TMEM231: variants seen among roughly 807,000 people sequenced by gnomAD.
TMEM231 encodes transmembrane protein 231.
TMEM231 carries 40 observed loss-of-function variants against 38.5 expected under a neutral mutation model. That is an observed-to-expected ratio of 1.04 (90% CI 0.81 to 1.35). The LOEUF is 1.35. TMEM231 is among the 40% of genes most tolerant of loss of function. TMEM231 has a pLI of 0.00. For missense variants in TMEM231, 420 were observed against 416.9 expected, an observed-to-expected ratio of 1.01 and a Z score of -0.07; for synonymous variants, 199 against 181.7, an observed-to-expected ratio of 1.10 and a Z score of -0.77.
intron 6 of TMEM231, 135 bp from the exon 7 acceptor site, chr16:75,540,309 C>T (rs1323196052): frequency 3.4e-6 from 3 of 881,346 alleles, no homozygotes; most frequent in Non-Finnish European, 3.3e-6. Context: ...TGGAAGCTGA[C>T]CTGAACTTGG....
chr16:75,542,659 G>A lies in TMEM231; in HGVS notation c.607C>T (p.Pro203Ser). Residue 203 changes from proline to serine, a missense_variant, in exon 5 of 7, where the codon CCC (proline) becomes TCC (serine). Transcript: ENST00000258173. ...YNISVINGTS[P>S]FAYDYDLTHI... ...GTGAGGTCGTAGTCATAGGCAAAGG[G>A]GCTGGTCCCGTTGATCACGGATATC... 2 of 1,613,896 alleles carry A rather than the reference G, an allele frequency of 1.2e-6. No homozygotes were observed. Among genetic ancestry groups the A allele is most frequent in the South Asian group, 1.1e-5 (1 of 91,072 alleles).
Position 75,556,151 on chromosome 16 carries a change from C to A in TMEM231, c.59G>T (p.Cys20Phe). Residue 20 changes from cysteine to phenylalanine, a missense_variant, in exon 1 of 7, where the codon TGC (cysteine) becomes TTC (phenylalanine). Transcript: ENST00000258173. ...CAGCAGGAACAGCGCGGCTTTGGAGCAGAGCCCCGCGCGGTAACTGCGCTC... is the reference window on the plus strand; with the variant it reads ...CAGCAGGAACAGCGCGGCTTTGGAGAAGAGCCCCGCGCGGTAACTGCGCTC... ...PVERSYRAGL[C>F]SKAALFLLLA... is the part of the protein sequence containing the mutation. The A allele has an allele frequency of 6.4e-7, 1 of 1,564,772 alleles. No homozygotes were observed.
At position 75,541,436 on chromosome 16, in the gene TMEM231, A is replaced by G; in HGVS notation, c.684T>C (p.Asp228=). The change falls in exon 6 of 7, where the codon GAT becomes GAC. Residue 228 remains aspartate, a synonymous_variant. Coordinates refer to ENST00000258173, the MANE Select transcript of TMEM231 (RefSeq NM_001077418.3). Reference sequence around the variant, plus strand: ...TGCCCACCAGCCAGATGGGGTTGGGATCATTCAGGACGGTGGTAACTGCAA... The same window carrying G: ...TGCCCACCAGCCAGATGGGGTTGGGGTCATTCAGGACGGTGGTAACTGCAA... The part of the protein sequence containing the change: ...QERNVTTVLN[D]PNPIWLVGRA... 1 of 1,610,920 alleles carries G rather than the reference A, an allele frequency of 6.2e-7. No homozygotes were observed. Among genetic ancestry groups the G allele is most frequent in the Admixed American group, 1.7e-5 (1 of 59,650 alleles).
At chr16:75,548,534 A>C (rs751119798) in intron 2 of TMEM231, among the ~76,000 whole-genome samples, 2 of 152,208 alleles carry the variant, frequency 1.3e-5, no homozygotes, top group Non-Finnish European at 2.9e-5. Context: ...CCGCTGACAG[A>C]AATGAAGCAG....
intron 2 of TMEM231, chr16:75,555,369 A>C: frequency 6.1e-6 from 1 of 164,254 alleles, no homozygotes; most frequent in Non-Finnish European, 1.3e-5. Context: ...GTCTGCATAA[A>C]AATGCTGCCC....
intron 2 of TMEM231, chr16:75,555,189 A>C (rs2080796886): frequency 6.6e-6 from 1 of 152,218 alleles, no homozygotes; most frequent in African/African-American, 2.4e-5. Context: ...CTGGTGAAAA[A>C]ATTTAAAAAT....
intron 2 of TMEM231, among the ~76,000 whole-genome samples, chr16:75,548,738 G>A (rs1237585152): frequency 2.0e-5 from 3 of 152,034 alleles, no homozygotes; most frequent in African/African-American, 4.8e-5. Context: ...GCATGGTGGC[G>A]TGCACCTGTA....
At chr16:75,551,256 G>C (rs937441151) in intron 2 of TMEM231, among the ~76,000 whole-genome samples, 4 of 152,046 alleles carry the variant, frequency 2.6e-5, no homozygotes, top group African/African-American at 9.7e-5. Context: ...AGAGTGCAGT[G>C]GCACGATCAC....
intron 2 of TMEM231, among the ~76,000 whole-genome samples, chr16:75,549,592 C>T (rs2080732028): frequency 6.6e-6 from 1 of 152,120 alleles, no homozygotes; most frequent in South Asian, 2.1e-4. Context: ...ATTCAGGGCT[C>T]TTCTATAATA....
Position 75,542,493 on chromosome 16 carries a change from C to A in TMEM231, c.664+109G>T. 5.1e-6 allele frequency: 5 copies of A among 982,744 alleles called. No homozygotes were observed. The South Asian group carries it at 6.6e-5, about 13-fold the overall frequency. 60.9% of individuals were successfully genotyped at this position (982,744 alleles called of 1,614,324 possible). Reference sequence around the variant, plus strand: ...ATTTGCTCCCATCGTTGAGCATTCACGGGTTTTGACATTTTCATCACAAGG... The same window carrying A: ...ATTTGCTCCCATCGTTGAGCATTCAAGGGTTTTGACATTTTCATCACAAGG... On this transcript the variant is annotated intron_variant, in intron 5 of 6. Transcript: ENST00000258173.
intron 2 of TMEM231, among the ~76,000 whole-genome samples, chr16:75,552,316 T>C (rs1225900537): frequency 2.0e-5 from 3 of 151,920 alleles, no homozygotes; most frequent in Non-Finnish European, 4.4e-5. Flanking sequence ...GAGCCAGGCG[T>C]AGTGGCAGGA....
chr16:75,546,134 T>G, intron 2 of TMEM231, 180 bp from the exon 3 acceptor site: 1 of 1,529,810 alleles, frequency 6.5e-7, no homozygotes, highest in Non-Finnish European at 8.8e-7. Context: ...AGACACAAAG[T>G]GCATGGTCCC....
chr16:75,549,013 T>G (rs2080725328), intron 2 of TMEM231, among the ~76,000 whole-genome samples: 1 of 152,122 alleles, frequency 6.6e-6, no homozygotes, highest in Non-Finnish European at 1.5e-5. Context: ...ATCAGGTACA[T>G]GTGCTCTGGG....
chr16:75,553,076 A>C (rs2080779137), intron 2 of TMEM231, among the ~76,000 whole-genome samples: 1 of 152,206 alleles, frequency 6.6e-6, no homozygotes, highest in Non-Finnish European at 1.5e-5. Flanking sequence ...AGCTGACCAA[A>C]GCAGAAGCAA....
intron 4 of TMEM231, among the ~76,000 whole-genome samples, chr16:75,544,173 G>T (rs1056836983): frequency 6.6e-6 from 1 of 152,238 alleles, no homozygotes; most frequent in Non-Finnish European, 1.5e-5. Context: ...GCTAGGCACG[G>T]ATGTGATAGT....
chr16:75,556,255 C>T (rs752769188), upstream of TMEM231: 31 of 1,388,452 alleles, frequency 2.2e-5, no homozygotes, highest in South Asian at 4.9e-4. Flanking sequence ...CCAAGTTTGG[C>T]TTCTCCTGGT....
In TMEM231 at chr16:75,540,283, C is replaced by T. The variant is rs1407415119; in HGVS notation, c.771-109G>A. On this transcript the variant is annotated intron_variant, in intron 6 of 6. Coordinates refer to ENST00000258173, the MANE Select transcript of TMEM231 (RefSeq NM_001077418.3). ...TCTCGAAAGGAGGCAGGACCTCTGT[C>T]ATGTACACACCCAGATGGAAGCTGA... The T allele has an allele frequency of 3.7e-6, 4 of 1,069,386 alleles. No individual in the cohort carries two copies. In the African/African-American group the frequency reaches 4.8e-5, roughly 13 times the overall value. The allele number at this position is 1,069,386 out of a possible 1,614,324, so 66.2% of individuals were successfully genotyped here.
chr16:75,538,545 G>A lies in TMEM231; in HGVS notation c.*1449C>T, dbSNP rs1256850047. 2 of 152,080 alleles carry A rather than the reference G, an allele frequency of 1.3e-5. No homozygotes were observed. Among genetic ancestry groups the A allele is most frequent in the Non-Finnish European group, 2.9e-5 (2 of 68,030 alleles). The allele number at this position is 152,080 out of a possible 1,614,324, so 9.4% of individuals were successfully genotyped here. A position where few individuals can be genotyped will look rare whatever the true frequency, so the allele number is the denominator to read the frequency against. Reference sequence around the variant, plus strand: ...AAAAGACAAGGGGGTCAGTGTTAGGGAATTCCTCTGCTTGAATACTTCAAA... The same window carrying A: ...AAAAGACAAGGGGGTCAGTGTTAGGAAATTCCTCTGCTTGAATACTTCAAA... On this transcript the variant is annotated 3_prime_UTR_variant, in exon 7 of 7. Coordinates refer to ENST00000258173, the MANE Select transcript of TMEM231 (RefSeq NM_001077418.3).
chr16:75,545,314 G>T (rs199585745), intron 4 of TMEM231, 38 bp downstream of exon 4: 1 of 1,593,206 alleles, frequency 6.3e-7, no homozygotes, highest in South Asian at 1.1e-5. Flanking sequence ...CAGTAACACA[G>T]AGAAACAAAG....
Sources: allele counts gnomAD v4.1 joint callset (sites outside exome capture counted in the v4.1 genomes callset), GRCh38; gene constraint gnomAD v4.1.1; transcripts MANE v1.5; gene names NCBI Gene and HGNC (gene_info 2026-07-23, HGNC 2026-07-21).